The following PACRG variants were observed in gnomAD, a reference collection of about 807,000 sequenced individuals.
PACRG encodes parkin coregulated gene protein.
Under a neutral mutation model 29.7 loss-of-function variants are expected in PACRG, and 29 were observed. The observed-to-expected ratio is 0.98, with a 90% CI of 0.73 to 1.33. The LOEUF is 1.33. Ranked by LOEUF, PACRG falls within the 40% of genes most tolerant of loss-of-function variation. The pLI is 0.00. For synonymous variants in PACRG, 116 were observed against 118.7 expected (o/e 0.98, Z 0.15); for missense variants, 279 against 316.2 (o/e 0.88, Z 0.89).
At chr6:162,772,080 C>A (rs1183020969) in intron 1 of PACRG, among the ~76,000 whole-genome samples, 1 of 152,014 alleles carries the variant, frequency 6.6e-6, no homozygotes, top group Non-Finnish European at 1.5e-5. Context: ...AGGGCATGTG[C>A]AAAGTCACAA....
chr6:162,967,920 T>G (rs2128154544), intron 2 of PACRG, among the ~76,000 whole-genome samples: 1 of 152,338 alleles, frequency 6.6e-6, no homozygotes, highest in East Asian at 1.9e-4. Flanking sequence ...AATGCAAATT[T>G]TGAAAGCTAA....
intron 2 of PACRG, chr6:162,892,124 T>G (rs1422802657): frequency 6.6e-6 from 1 of 152,292 alleles, no homozygotes; most frequent in Non-Finnish European, 1.5e-5. Context: ...ACTGTCCCAG[T>G]CTGGTCAGCC....
At chr6:162,893,630 A>G (rs766119148) in intron 2 of PACRG, among the ~76,000 whole-genome samples, 1 of 152,132 alleles carries the variant, frequency 6.6e-6, no homozygotes, top group Non-Finnish European at 1.5e-5. Flanking sequence ...CTTCCCCAAA[A>G]CGTGCTTTCC....
At chr6:162,765,597 A>T (rs1422348704) in intron 1 of PACRG, among the ~76,000 whole-genome samples, 1 of 152,174 alleles carries the variant, frequency 6.6e-6, no homozygotes, top group Non-Finnish European at 1.5e-5. Context: ...TGATGGTAAC[A>T]TAGTGGTACC....
intron 2 of PACRG, among the ~76,000 whole-genome samples, chr6:162,856,437 C>T (rs1317234696): frequency 6.6e-6 from 1 of 152,098 alleles, no homozygotes; most frequent in Non-Finnish European, 1.5e-5. Context: ...TACATTCAAC[C>T]GGCTGTGTGG....
At chr6:163,146,939 G>A (rs890716959) in intron 4 of PACRG, among the ~76,000 whole-genome samples, 1 of 152,184 alleles carries the variant, frequency 6.6e-6, no homozygotes, top group Non-Finnish European at 1.5e-5. Context: ...CAGCATGTGG[G>A]AGTTGATTAA....
intron 4 of PACRG, among the ~76,000 whole-genome samples, chr6:163,178,044 C>A (rs919713305): frequency 6.6e-6 from 1 of 152,134 alleles, no homozygotes; most frequent in African/African-American, 2.4e-5. Context: ...TTCCCACTAC[C>A]AAGCTTCCAG....
At chr6:163,048,509 C>G (rs1051181482) in intron 2 of PACRG, among the ~76,000 whole-genome samples, 3 of 152,064 alleles carry the variant, frequency 2.0e-5, no homozygotes, top group East Asian at 3.9e-4. Context: ...AGATTGAACT[C>G]TATGGTTTCA....
At chr6:163,289,781 G>A (rs1784522801) in intron 4 of PACRG, among the ~76,000 whole-genome samples, 1 of 152,038 alleles carries the variant, frequency 6.6e-6, no homozygotes, top group Non-Finnish European at 1.5e-5. Flanking sequence ...CAGGGACAGA[G>A]CTTGTGCCCC....
intron 2 of PACRG, among the ~76,000 whole-genome samples, chr6:163,009,026 C>T (rs943745630): frequency 2.0e-5 from 3 of 152,156 alleles, no homozygotes; most frequent in African/African-American, 4.8e-5. Flanking sequence ...CCAGATCCAA[C>T]AGACTTTGAT....
At chr6:163,229,050 T>G (rs1447824067) in intron 4 of PACRG, among the ~76,000 whole-genome samples, 1 of 152,082 alleles carries the variant, frequency 6.6e-6, no homozygotes, top group African/African-American at 2.4e-5. Flanking sequence ...AGGGCTAAAT[T>G]TCATATCTCA....
chr6:162,806,576 G>A (rs1406158977), intron 1 of PACRG, among the ~76,000 whole-genome samples: 1 of 152,178 alleles, frequency 6.6e-6, no homozygotes, highest in African/African-American at 2.4e-5. Flanking sequence ...TGTCAATGAG[G>A]AGAATACTTT....
chr6:163,109,781 T>C (rs921532559), intron 4 of PACRG, among the ~76,000 whole-genome samples: 3 of 152,242 alleles, frequency 2.0e-5, no homozygotes, highest in Non-Finnish European at 2.9e-5. Context: ...TAAAGAATTC[T>C]TCACTTTGTT....
intron 2 of PACRG, among the ~76,000 whole-genome samples, chr6:162,898,902 TAGA>T (rs959834845): frequency 1.3e-5 from 2 of 152,242 alleles, no homozygotes; most frequent in African/African-American, 4.8e-5. Context: ...ACAGGGAAAA[TAGA>T]AGTTTGGGTA....
At chr6:163,265,049 C>G (rs1173957932) in intron 4 of PACRG, among the ~76,000 whole-genome samples, 1 of 152,186 alleles carries the variant, frequency 6.6e-6, no homozygotes, top group Non-Finnish European at 1.5e-5. Flanking sequence ...AGGACTAGTA[C>G]TCTATCTTAT....
At chr6:163,281,479 A>C (rs1784225208) in intron 4 of PACRG, among the ~76,000 whole-genome samples, 1 of 152,202 alleles carries the variant, frequency 6.6e-6, no homozygotes, top group South Asian at 2.1e-4. Flanking sequence ...ATTGGACAGT[A>C]AGGCCAGATC....
intron 4 of PACRG, among the ~76,000 whole-genome samples, chr6:163,143,765 G>C (rs1228051653): frequency 6.8e-6 from 1 of 147,960 alleles, no homozygotes; most frequent in African/African-American, 2.5e-5. Context: ...GCAGAGAGAA[G>C]AATCCACGTC....
At chr6:163,069,413 C>G (rs147360206) in intron 3 of PACRG, among the ~76,000 whole-genome samples, 23 of 151,546 alleles carry the variant, frequency 1.5e-4, no homozygotes, top group African/African-American at 4.8e-4. Context: ...CAAGATGACA[C>G]AGAGAAGAAA....
chr6:163,242,247 G>A (rs1037145725), intron 4 of PACRG, among the ~76,000 whole-genome samples: 1 of 152,174 alleles, frequency 6.6e-6, no homozygotes, highest in African/African-American at 2.4e-5. Context: ...CAGCATTTCA[G>A]AGAAATGATT....
Sources: allele counts gnomAD v4.1 joint callset (sites outside exome capture counted in the v4.1 genomes callset), GRCh38; gene constraint gnomAD v4.1.1; transcripts MANE v1.5; gene names NCBI Gene and HGNC (gene_info 2026-07-23, HGNC 2026-07-21).